Variants in DTL observed in about 807,000 individuals in gnomAD.
DTL encodes denticleless protein homolog.
DTL carries 46 observed loss-of-function variants against 87.0 expected under a neutral mutation model. The observed-to-expected ratio is 0.53, with a 90% CI of 0.42 to 0.68. DTL has a LOEUF of 0.68. DTL is among the 30% of genes least tolerant of loss of function. The pLI, the probability that DTL is intolerant of heterozygous loss-of-function variation, is 0.00. For synonymous variants in DTL, 308 were observed against 311.2 expected, an observed-to-expected ratio of 0.99 and a Z score of 0.11; for missense variants, 737 against 869.4, an observed-to-expected ratio of 0.85 and a Z score of 1.91.
intron 1 of DTL, among the ~76,000 whole-genome samples, chr1:212,041,983 A>C (rs992073168): frequency 6.6e-6 from 1 of 152,202 alleles, no homozygotes; most frequent in African/African-American, 2.4e-5. Context: ...GTCTGAGGTT[A>C]TGTCAGGCTA....
At chr1:212,096,963 A>C (rs1217445964) in intron 13 of DTL, among the ~76,000 whole-genome samples, 1 of 152,126 alleles carries the variant, frequency 6.6e-6, no homozygotes, top group Non-Finnish European at 1.5e-5. Context: ...CTATGAGATG[A>C]GATTCTATTT....
chr1:212,054,959 T>C (rs1490415023), intron 5 of DTL, among the ~76,000 whole-genome samples: 1 of 152,084 alleles, frequency 6.6e-6, no homozygotes, highest in African/African-American at 2.4e-5. Flanking sequence ...GAATGAATAG[T>C]GCCTGACACT....
chr1:212,082,623 T>C (rs756776574), intron 13 of DTL, among the ~76,000 whole-genome samples: 40 of 152,066 alleles, frequency 2.6e-4, no homozygotes, highest in Non-Finnish European at 4.7e-4. Flanking sequence ...ATGGTGCAGG[T>C]AGGCTACTGA....
chr1:212,076,385 G>T (rs939134132), intron 11 of DTL, among the ~76,000 whole-genome samples: 5 of 151,972 alleles, frequency 3.3e-5, no homozygotes, highest in Non-Finnish European at 7.4e-5. Context: ...TTTCTAATGG[G>T]TCTCTTTCTT....
At chr1:212,075,734 T>C (rs1037563773) in intron 11 of DTL, among the ~76,000 whole-genome samples, 9 of 152,140 alleles carry the variant, frequency 5.9e-5, no homozygotes, top group African/African-American at 2.2e-4. Flanking sequence ...ATATAACATA[T>C]AATTCACCAT....
rs555512993 is a variant in DTL, at chr1:212,062,687, G to A, written c.461-197G>A. ...CAGAGGGGTGATTCTATGAAGTTTT[G>A]GTTCAACATTAGCATCTCAAGCTCT... On this transcript the variant is annotated intron_variant, in intron 5 of 14. Coordinates refer to ENST00000366991, the MANE Select transcript of DTL (RefSeq NM_016448.4). 9.2e-5 allele frequency among the ~76,000 whole-genome samples: 14 copies of A among 152,158 alleles called. No individual in the cohort carries two copies. In the South Asian group the frequency reaches 2.9e-3, roughly 32 times the overall value.
intron 12 of DTL, 105 bp from the exon 13 acceptor site, chr1:212,080,510 A>G: frequency 9.7e-7 from 1 of 1,030,066 alleles, no homozygotes; most frequent in Non-Finnish European, 1.4e-6. Context: ...TGTTTATTAG[A>G]CAAAATAATT....
At chr1:212,072,589 A>T (rs1472030405) in intron 11 of DTL, among the ~76,000 whole-genome samples, 1 of 152,102 alleles carries the variant, frequency 6.6e-6, no homozygotes, top group East Asian at 1.9e-4. Context: ...GATCCCTAGG[A>T]TCCTGTGCTT....
intron 13 of DTL, among the ~76,000 whole-genome samples, chr1:212,093,469 G>C (rs528201898): frequency 1.1e-4 from 16 of 152,332 alleles, no homozygotes; most frequent in Non-Finnish European, 1.5e-4. Flanking sequence ...TGAGTGCAAG[G>C]TTCCACTGAG....
intron 11 of DTL, among the ~76,000 whole-genome samples, chr1:212,075,750 T>G (rs2102561544): frequency 6.6e-6 from 1 of 152,282 alleles, no homozygotes; most frequent in South Asian, 2.1e-4. Flanking sequence ...ACCATTTTAG[T>G]CATTTTAAAG....
At chr1:212,100,035 A>G (rs1441355628) in intron 13 of DTL, among the ~76,000 whole-genome samples, 1 of 152,188 alleles carries the variant, frequency 6.6e-6, no homozygotes, top group African/African-American at 2.4e-5. Flanking sequence ...CGATTTTTAC[A>G]AGTATATATT....
intron 12 of DTL, 53 bp from the exon 13 acceptor site, chr1:212,080,562 A>T: frequency 6.4e-7 from 1 of 1,568,336 alleles, no homozygotes; most frequent in African/African-American, 1.4e-5. Context: ...TTTTTAATGT[A>T]TTTTGAATCT....
chr1:212,051,721 T>C, intron 5 of DTL: 3 of 1,207,618 alleles, frequency 2.5e-6, no homozygotes, highest in Non-Finnish European at 3.6e-6. Context: ...GAATGCTTAA[T>C]GTGCTCAATA....
intron 5 of DTL, among the ~76,000 whole-genome samples, chr1:212,053,058 T>C (rs1205791993): frequency 6.6e-6 from 1 of 152,194 alleles, no homozygotes; most frequent in African/African-American, 2.4e-5. Flanking sequence ...TACACATGCA[T>C]ACAAATGGAA....
chr1:212,094,564 G>C (rs564947293), intron 13 of DTL, among the ~76,000 whole-genome samples: 1 of 152,290 alleles, frequency 6.6e-6, no homozygotes, highest in African/African-American at 2.4e-5. Flanking sequence ...TTTTTGCTTA[G>C]TCTTGCTTTG....
rs1183720619 is a variant in DTL, at chr1:212,103,784, T to C, written c.*844T>C. On this transcript the variant is annotated 3_prime_UTR_variant, in exon 15 of 15. Transcript: ENST00000366991. ...AATCAATTTGGGGTTTGAATTCAGG[T>C]GCAGTCATCAGTTCTTTAGGGGCTG... 1 of 152,174 alleles carries C rather than the reference T, an allele frequency of 6.6e-6. No homozygotes were observed. The highest frequency in any genetic ancestry group is 2.4e-5 in the African/African-American group (1 of 41,434). The allele number at this position is 152,174 out of a possible 1,614,324, so 9.4% of individuals were successfully genotyped here.
chr1:212,037,231 A>G lies in DTL; in HGVS notation c.52+1289A>G, dbSNP rs190506671. 7.2e-5 allele frequency among the ~76,000 whole-genome samples: 11 copies of G among 152,238 alleles called. No homozygotes were observed. In the East Asian group the frequency reaches 1.7e-3, roughly 24 times the overall value. On this transcript the variant is annotated intron_variant, in intron 1 of 14. Coordinates refer to ENST00000366991, the MANE Select transcript of DTL (RefSeq NM_016448.4). ...GTGACAGATTTTCTCCTAATTCTCCATGTGTTTACCTTTCCCTTCCCTCTT... is the reference window on the plus strand; with the variant it reads ...GTGACAGATTTTCTCCTAATTCTCCGTGTGTTTACCTTTCCCTTCCCTCTT...
At position 212,102,917 on chromosome 1, in the gene DTL, C is replaced by G. The variant is rs1655666096; in HGVS notation, c.2170C>G (p.Pro724Ala). ...AAAGTCCCAGGAGGACTTCTGTGGTCCTGAACACTCAACAGAATTATAGAT... is the reference window on the plus strand; with the variant it reads ...AAAGTCCCAGGAGGACTTCTGTGGTGCTGAACACTCAACAGAATTATAGAT... ...HRKSQEDFCG[P>A]EHSTEL The change falls in exon 15 of 15, where the codon CCT (proline) becomes GCT (alanine). Residue 724 changes from proline to alanine, a missense_variant. Physicochemically the swap from Pro to Ala is conservative, Grantham distance 27. Transcript: ENST00000366991. 1 of 1,604,980 alleles carries G rather than the reference C, an allele frequency of 6.2e-7. No individual in the cohort carries two copies. The highest frequency in any genetic ancestry group is 2.2e-5 in the East Asian group (1 of 44,776).
Position 212,051,913 on chromosome 1 carries a change from G to A in DTL, c.460+4496G>A, listed in dbSNP as rs936355350. On this transcript the variant is annotated intron_variant, in intron 5 of 14. Coordinates refer to ENST00000366991, the MANE Select transcript of DTL (RefSeq NM_016448.4). ...ACAATATCACCTTTCTTATAGATTC[G>A]CATATATGTGGCCAAAGGAACAACT... 5.8e-5 allele frequency: 56 copies of A among 957,618 alleles called. No homozygotes were observed. The African/African-American group carries it at 7.1e-4, about 12-fold the overall frequency. 59.3% of individuals were successfully genotyped at this position (957,618 alleles called of 1,614,324 possible). A position where few individuals can be genotyped will look rare whatever the true frequency, so the allele number is the denominator to read the frequency against.
Sources: allele counts gnomAD v4.1 joint callset (sites outside exome capture counted in the v4.1 genomes callset), GRCh38; gene constraint gnomAD v4.1.1; transcripts MANE v1.5; gene names NCBI Gene and HGNC (gene_info 2026-07-23, HGNC 2026-07-21).